IP6K1: variants seen among roughly 807,000 people sequenced by gnomAD.
IP6K1 encodes inositol hexakisphosphate kinase 1.
IP6K1 carries 13 observed loss-of-function variants against 38.3 expected under a neutral mutation model. That is an observed-to-expected ratio of 0.34 (90% confidence interval 0.22 to 0.54). The LOEUF (loss-of-function observed/expected upper bound fraction) is 0.54. IP6K1 is among the 20% of genes least tolerant of loss of function. IP6K1 has a pLI of 0.92. For missense variants in IP6K1, 397 were observed against 599.8 expected, an observed-to-expected ratio of 0.66 and a Z score of 3.53; for synonymous variants, 212 against 229.9, an observed-to-expected ratio of 0.92 and a Z score of 0.70.
chr3:49,772,293 TC>T (rs1225337425), intron 1 of IP6K1, among the ~76,000 whole-genome samples: 1 of 147,528 alleles, frequency 6.8e-6, no homozygotes, highest in Non-Finnish European at 1.5e-5. Context: ...TATATAGTCT[TC>T]CTTTTTAACT....
chr3:49,769,255 T>C (rs1376132340), intron 1 of IP6K1, among the ~76,000 whole-genome samples: 2 of 152,114 alleles, frequency 1.3e-5, no homozygotes, highest in African/African-American at 2.4e-5. Context: ...TTTACAGAAA[T>C]TGACAAGCTA....
chr3:49,744,270 C>T (rs891087479), intron 2 of IP6K1, among the ~76,000 whole-genome samples: 42 of 151,502 alleles, frequency 2.8e-4, no homozygotes, highest in Admixed American at 2.2e-3. Context: ...GGCTTGGTGG[C>T]GGGAGCCTGT....
chr3:49,741,097 G>A (rs937879210), intron 2 of IP6K1, among the ~76,000 whole-genome samples: 2 of 152,014 alleles, frequency 1.3e-5, no homozygotes, highest in Non-Finnish European at 2.9e-5. Context: ...TGATCTGCCC[G>A]CCTCCCAAAG....
chr3:49,724,804 G>C lies in IP6K1; in HGVS notation c.*2318C>G, dbSNP rs1039547712. The C allele has an allele frequency of 5.9e-5, 9 of 152,656 alleles. No individual in the cohort carries two copies. The highest frequency in any genetic ancestry group is 2.2e-4 in the African/African-American group (9 of 41,428). 9.5% of individuals were successfully genotyped at this position (152,656 alleles called of 1,614,324 possible). ...GGGGTCCCTGGCAAGTTGCTACACT[G>C]GTCCCCTTCCTCTTTTAAGCACCAC... On this transcript the variant is annotated 3_prime_UTR_variant, in exon 6 of 6. Coordinates refer to ENST00000321599, the MANE Select transcript of IP6K1 (RefSeq NM_153273.4).
chr3:49,756,935 C>CA (rs1270237881), intron 1 of IP6K1, among the ~76,000 whole-genome samples: 1 of 151,858 alleles, frequency 6.6e-6, no homozygotes, highest in Non-Finnish European at 1.5e-5. Context: ...TGTGCTGTGA[C>CA]AAAATAGTAC....
intron 4 of IP6K1, among the ~76,000 whole-genome samples, chr3:49,731,428 CCTG>C (rs980841412): frequency 3.9e-5 from 6 of 152,046 alleles, no homozygotes; most frequent in African/African-American, 7.2e-5. Flanking sequence ...AATTCTGTTG[CCTG>C]CTATTACCTA....
At chr3:49,772,368 A>G (rs1286277545) in intron 1 of IP6K1, among the ~76,000 whole-genome samples, 8 of 148,830 alleles carry the variant, frequency 5.4e-5, no homozygotes, top group Non-Finnish European at 1.5e-5. Flanking sequence ...ATATATATAG[A>G]AGGCTATATA....
At position 49,727,010 on chromosome 3, in the gene IP6K1, A is replaced by G. The variant is rs552599767; in HGVS notation, c.*112T>C. On this transcript the variant is annotated 3_prime_UTR_variant, in exon 6 of 6. Coordinates refer to ENST00000321599, the MANE Select transcript of IP6K1 (RefSeq NM_153273.4). The surrounding 1 kb of genome is among the most constrained non-coding windows in gnomAD (Gnocchi z 5.9). ...AAAAACATTTCTTTTAGTTTACACC[A>G]AAGAGAAATATAACCCTTTAAAAGC... 1.8e-6 allele frequency: 2 copies of G among 1,103,046 alleles called. No individual in the cohort carries two copies. The highest frequency in any genetic ancestry group is 1.6e-5 in the African/African-American group (1 of 63,804). The allele number at this position is 1,103,046 out of a possible 1,614,324, so 68.3% of individuals were successfully genotyped here. A position where few individuals can be genotyped will look rare whatever the true frequency, so the allele number is the denominator to read the frequency against.
chr3:49,738,243 T>TCTC lies in IP6K1; in HGVS notation c.400_402dup (p.Glu134dup). On this transcript the variant is annotated inframe_insertion, in exon 3 of 6. Coordinates refer to ENST00000321599, the MANE Select transcript of IP6K1 (RefSeq NM_153273.4). The stretch of plus-strand genomic sequence containing the variant: ...GAGGTCTCAAGGGACAGGCTGGCTT[T>TCTC]CTCCTCCTTGTGGTCACTGCCACTG... 1.2e-6 allele frequency: 2 copies of TCTC among 1,614,182 alleles called. No homozygotes were observed. Among genetic ancestry groups the TCTC allele is most frequent in the Non-Finnish European group, 1.7e-6 (2 of 1,180,018 alleles).
At chr3:49,756,932 T>C (rs981341655) in intron 1 of IP6K1, among the ~76,000 whole-genome samples, 2 of 152,048 alleles carry the variant, frequency 1.3e-5, no homozygotes, top group Admixed American at 6.6e-5. Flanking sequence ...ACCTGTGCTG[T>C]GACAAAATAG....
Position 49,725,174 on chromosome 3 carries a change from C to CAGGG in IP6K1, c.*1947_*1948insCCCT, listed in dbSNP as rs1455806304. On this transcript the variant is annotated 3_prime_UTR_variant, in exon 6 of 6. Transcript: ENST00000321599. ...GGAAAATACTGAATGTAAGTGGGTGCAGCTTTGCTCGCTGTGAGGAGCAGC... is the reference window on the plus strand; with the variant it reads ...GGAAAATACTGAATGTAAGTGGGTGCAGGGAGCTTTGCTCGCTGTGAGGAGCAGC... The CAGGG allele has an allele frequency of 6.6e-6, 1 of 152,666 alleles. No homozygotes were observed. The highest frequency in any genetic ancestry group is 1.5e-5 in the Non-Finnish European group (1 of 68,054). 9.5% of individuals were successfully genotyped at this position (152,666 alleles called of 1,614,324 possible). A position where few individuals can be genotyped will look rare whatever the true frequency, so the allele number is the denominator to read the frequency against.
At chr3:49,755,549 G>A (rs1024091550) in intron 1 of IP6K1, among the ~76,000 whole-genome samples, 2 of 152,036 alleles carry the variant, frequency 1.3e-5, no homozygotes, top group Non-Finnish European at 2.9e-5. Flanking sequence ...TTTACTGTAT[G>A]ATACAATCCA....
At chr3:49,728,380 G>T in intron 4 of IP6K1, 102 bp from the exon 5 acceptor site, 1 of 1,053,650 alleles carries the variant, frequency 9.5e-7, no homozygotes, top group Non-Finnish European at 1.4e-6. Flanking sequence ...ACCTAATGCA[G>T]TATGTACTTG....
chr3:49,770,680 CTTCA>C (rs2080949684), intron 1 of IP6K1, among the ~76,000 whole-genome samples: 2 of 152,164 alleles, frequency 1.3e-5, no homozygotes, highest in African/African-American at 4.8e-5. Flanking sequence ...CACTACCTGA[CTTCA>C]AGCCTTGCTA....
intron 1 of IP6K1, among the ~76,000 whole-genome samples, chr3:49,752,346 G>T (rs2080785306): frequency 1.3e-5 from 2 of 151,844 alleles, no homozygotes; most frequent in African/African-American, 2.4e-5. Flanking sequence ...AAATTAGACG[G>T]GTGTGGTGGC....
intron 1 of IP6K1, among the ~76,000 whole-genome samples, chr3:49,776,972 T>C (rs1419590013): frequency 2.6e-5 from 4 of 152,108 alleles, no homozygotes; most frequent in Non-Finnish European, 1.5e-5. Flanking sequence ...CAGTGGCGCA[T>C]GCCTGTAATC....
At position 49,727,309 on chromosome 3, in the gene IP6K1, T is replaced by TTGCTGGGGCTGGTGC. The variant is rs1457660056; in HGVS notation, c.1124_1138dup (p.Ser375_Ser379dup). The TTGCTGGGGCTGGTGC allele has an allele frequency of 1.2e-6, 2 of 1,614,018 alleles. No homozygotes were observed. The highest frequency in any genetic ancestry group is 1.7e-5 in the Admixed American group (1 of 60,004). ...GGAGGGACCCGCCTCGGGGCTGGTG[T>TTGCTGGGGCTGGTGC]TGCTGGGGCTGGTGCTGGGGCCACA... On this transcript the variant is annotated inframe_insertion, in exon 6 of 6. Coordinates refer to ENST00000321599, the MANE Select transcript of IP6K1 (RefSeq NM_153273.4). This position sits in a 1 kb window ranked among gnomAD's most constrained non-coding sequence, Gnocchi z 5.9.
intron 2 of IP6K1, among the ~76,000 whole-genome samples, chr3:49,743,620 T>G (rs6446294): frequency 0.69 from 82,013 of 118,800 alleles, 25,844 homozygotes; most frequent in East Asian, 0.87. Context: ...TTTTTTTTTG[T>G]TTTTTTTTTT....
At chr3:49,762,973 C>T (rs777022824) in intron 1 of IP6K1, among the ~76,000 whole-genome samples, 39 of 151,710 alleles carry the variant, frequency 2.6e-4, no homozygotes, top group Non-Finnish European at 5.0e-4. Flanking sequence ...GGTTTCACCA[C>T]GTTGGCCAGG....
Sources: allele counts gnomAD v4.1 joint callset (sites outside exome capture counted in the v4.1 genomes callset), GRCh38; gene constraint gnomAD v4.1.1; non-coding constraint Gnocchi (gnomAD v3.1); transcripts MANE v1.5; gene names NCBI Gene and HGNC (gene_info 2026-07-23, HGNC 2026-07-21).